SPDYA: variants seen among roughly 807,000 people sequenced by gnomAD.
SPDYA encodes the protein speedy/RINGO cell cycle regulator family member A, also known as speedy protein A.
SPDYA carries 11 observed loss-of-function variants against 36.7 expected under a neutral mutation model. The observed-to-expected ratio is 0.30, with a 90% CI of 0.19 to 0.50. The LOEUF (loss-of-function observed/expected upper bound fraction) is 0.50, where lower values mean the gene tolerates loss of function less well. Ranked by LOEUF, SPDYA falls within the 20% of genes least tolerant of loss-of-function variation. SPDYA has a pLI of 0.98. For missense variants in SPDYA, 287 were observed against 370.9 expected, an observed-to-expected ratio of 0.77 and a Z score of 1.86; for synonymous variants, 115 against 118.7, an observed-to-expected ratio of 0.97 and a Z score of 0.20.
At chr2:28,835,049 ATT>A (rs1415079618) in intron 6 of SPDYA, among the ~76,000 whole-genome samples, 2 of 151,676 alleles carry the variant, frequency 1.3e-5, no homozygotes, top group Non-Finnish European at 2.9e-5. Flanking sequence ...TTTATTTTGC[ATT>A]TGTTTGTTTT....
intron 6 of SPDYA, among the ~76,000 whole-genome samples, chr2:28,833,116 G>C (rs1006381517): frequency 6.6e-6 from 1 of 152,140 alleles, no homozygotes; most frequent in Non-Finnish European, 1.5e-5. Context: ...GATTGCAGGT[G>C]TGAGCCACCA....
At chr2:28,849,486 T>A (rs1668979030) in intron 7 of SPDYA, among the ~76,000 whole-genome samples, 1 of 152,234 alleles carries the variant, frequency 6.6e-6, no homozygotes, top group African/African-American at 2.4e-5. Context: ...GAGACAAGGT[T>A]TTGCCATGTT....
At position 28,811,142 on chromosome 2, in the gene SPDYA, A is replaced by C. The variant is rs1433336343; in HGVS notation, c.-93+195A>C. The C allele has an allele frequency of 6.6e-6, 1 of 152,326 alleles. No homozygotes were observed. The highest frequency in any genetic ancestry group is 1.5e-5 in the Non-Finnish European group (1 of 68,146). 9.4% of individuals were successfully genotyped at this position (152,326 alleles called of 1,614,324 possible). On this transcript the variant is annotated intron_variant, in intron 1 of 7. Coordinates refer to ENST00000334056, the MANE Select transcript of SPDYA (RefSeq NM_182756.4). The surrounding 1 kb of genome is among the most constrained non-coding windows in gnomAD (Gnocchi z 4.2). ...CGGCGACGACACACGCGCTCCCCGC[A>C]GCGGGCTCTGGGCTGAGGGACCTGG...
At chr2:28,834,258 T>C (rs1194819049) in intron 6 of SPDYA, among the ~76,000 whole-genome samples, 4 of 152,192 alleles carry the variant, frequency 2.6e-5, no homozygotes, top group African/African-American at 9.7e-5. Flanking sequence ...GGAACCCTCA[T>C]ACACTTCTTA....
At chr2:28,824,684 C>T (rs1432833182) in intron 5 of SPDYA, among the ~76,000 whole-genome samples, 1 of 151,590 alleles carries the variant, frequency 6.6e-6, no homozygotes, top group Admixed American at 6.6e-5. Flanking sequence ...ATAGCTGGAA[C>T]TACAGGCGCA....
chr2:28,814,139 A>G (rs938718472), intron 1 of SPDYA, among the ~76,000 whole-genome samples: 11 of 152,298 alleles, frequency 7.2e-5, no homozygotes, highest in African/African-American at 2.4e-4. Flanking sequence ...GCCCTGTGCT[A>G]TCTAATATGG....
In SPDYA at chr2:28,835,341, T is replaced by C. The variant is rs535070196; in HGVS notation, c.553-4831T>C. Among the ~76,000 whole-genome samples the C allele has an allele frequency of 7.8e-4, 118 of 152,096 alleles. No homozygotes were observed. In the Middle Eastern group the frequency reaches 0.01, roughly 13 times the overall value. On this transcript the variant is annotated intron_variant, in intron 6 of 7. Coordinates refer to ENST00000334056, the MANE Select transcript of SPDYA (RefSeq NM_182756.4). ...CCTGGGTTCAAGCGATTCTCCTGCC[T>C]CGGCTTCCCAAGTAGCTAGGATTAC...
intron 7 of SPDYA, among the ~76,000 whole-genome samples, chr2:28,841,670 A>G (rs4611608): frequency 0.48 from 73,166 of 152,006 alleles, 18,162 homozygotes; most frequent in East Asian, 0.77. Flanking sequence ...AGACTCTAAG[A>G]TTCTTGAAGG....
intron 5 of SPDYA, among the ~76,000 whole-genome samples, chr2:28,827,451 C>T (rs1354214544): frequency 5.9e-5 from 9 of 152,186 alleles, no homozygotes; most frequent in Admixed American, 2.0e-4. Context: ...GTTATTCTTA[C>T]TTTCTGTGTC....
At chr2:28,831,233 CT>C (rs1416639433) in intron 6 of SPDYA, among the ~76,000 whole-genome samples, 2 of 152,086 alleles carry the variant, frequency 1.3e-5, no homozygotes, top group African/African-American at 4.8e-5. Flanking sequence ...TGGTGCACAC[CT>C]GTAGTCCCAG....
At chr2:28,819,617 T>G (rs957177536) in intron 4 of SPDYA, among the ~76,000 whole-genome samples, 6 of 151,606 alleles carry the variant, frequency 4.0e-5, no homozygotes, top group Admixed American at 1.3e-4. Flanking sequence ...ATAGCATAGA[T>G]TCAGTCTATA....
At chr2:28,814,353 A>T (rs993348669) in intron 1 of SPDYA, among the ~76,000 whole-genome samples, 2 of 152,218 alleles carry the variant, frequency 1.3e-5, no homozygotes, top group Non-Finnish European at 2.9e-5. Context: ...AAAAAGAAAA[A>T]AAGATTGAGA....
chr2:28,837,781 T>A (rs1668646079), intron 6 of SPDYA, among the ~76,000 whole-genome samples: 1 of 147,502 alleles, frequency 6.8e-6, no homozygotes, highest in African/African-American at 2.5e-5. Context: ...TTCATGCCTA[T>A]CCCTGTCTGC....
chr2:28,811,817 A>T lies in SPDYA; in HGVS notation c.-93+870A>T, dbSNP rs1667853917. On this transcript the variant is annotated intron_variant, in intron 1 of 7. Transcript: ENST00000334056. The surrounding 1 kb of genome is among the most constrained non-coding windows in gnomAD (Gnocchi z 4.2). ...TAACTTAAAAAAAAAGTATCCTGGC[A>T]TGGTGGCGGGCGCCTGTAATCCCAG... 1.3e-5 allele frequency among the ~76,000 whole-genome samples: 2 copies of T among 151,916 alleles called. No homozygotes were observed. The highest frequency in any genetic ancestry group is 2.9e-5 in the Non-Finnish European group (2 of 67,976).
chr2:28,825,845 T>G (rs1408987056), intron 5 of SPDYA, among the ~76,000 whole-genome samples: 1 of 150,974 alleles, frequency 6.6e-6, no homozygotes, highest in Non-Finnish European at 1.5e-5. Context: ...TAAAGTGATC[T>G]TCTTGCCTCA....
At chr2:28,826,792 T>C (rs1405938247) in intron 5 of SPDYA, among the ~76,000 whole-genome samples, 1 of 151,178 alleles carries the variant, frequency 6.6e-6, no homozygotes, top group Admixed American at 6.6e-5. Context: ...TTTTTGTATT[T>C]TTTTGTAGAG....
At chr2:28,831,865 T>A (rs1668486359) in intron 6 of SPDYA, among the ~76,000 whole-genome samples, 1 of 152,302 alleles carries the variant, frequency 6.6e-6, no homozygotes, top group Non-Finnish European at 1.5e-5. Context: ...CGATCTTTGC[T>A]CCTATCCAAA....
At chr2:28,836,387 T>A (rs986316676) in intron 6 of SPDYA, among the ~76,000 whole-genome samples, 7 of 152,350 alleles carry the variant, frequency 4.6e-5, no homozygotes, top group African/African-American at 1.7e-4. Context: ...ATGCAAAAAC[T>A]GTGGCTTAGT....
At chr2:28,835,697 G>A (rs1668579986) in intron 6 of SPDYA, among the ~76,000 whole-genome samples, 1 of 152,164 alleles carries the variant, frequency 6.6e-6, no homozygotes, top group South Asian at 2.1e-4. Context: ...ATTATTCACT[G>A]AGCTCACTTT....
Sources: gnomAD v4.1 joint callset for allele counts (sites outside exome capture counted in the v4.1 genomes callset) on GRCh38, gnomAD v4.1.1 for gene constraint, Gnocchi (gnomAD v3.1) non-coding constraint, MANE v1.5 for transcripts, NCBI Gene and HGNC (gene_info 2026-07-23, HGNC 2026-07-21) for gene names.